Variants in TMEM108 observed in about 807,000 individuals in gnomAD.
TMEM108 encodes transmembrane protein 108.
A neutral mutation model predicts 35.1 loss-of-function variants in TMEM108; 12 were observed. That is an observed-to-expected ratio of 0.34 (90% CI 0.22 to 0.55). The LOEUF is 0.55. Among genes scored for constraint, TMEM108 ranks in the 20% least tolerant of loss-of-function variants. The pLI, the probability that TMEM108 is intolerant of heterozygous loss-of-function variation, is 0.89. For missense variants in TMEM108, 680 were observed against 753.3 expected, an observed-to-expected ratio of 0.90 and a Z score of 1.14; for synonymous variants, 287 against 308.6, an observed-to-expected ratio of 0.93 and a Z score of 0.73.
intron 3 of TMEM108, among the ~76,000 whole-genome samples, chr3:133,266,483 A>G (rs1223308138): frequency 6.6e-6 from 1 of 152,188 alleles, no homozygotes; most frequent in East Asian, 1.9e-4. Flanking sequence ...CTCACATGAC[A>G]CATTCAGTGT....
chr3:133,369,521 G>A (rs748282836), intron 3 of TMEM108, among the ~76,000 whole-genome samples: 1 of 152,196 alleles, frequency 6.6e-6, no homozygotes, highest in Admixed American at 6.5e-5. Context: ...TGACTCCGCA[G>A]TTGGAATTTG....
At chr3:133,107,454 T>TGG (rs1289344659) in intron 2 of TMEM108, among the ~76,000 whole-genome samples, 6 of 111,570 alleles carry the variant, frequency 5.4e-5, no homozygotes, top group Admixed American at 2.8e-4. Flanking sequence ...GAAGTGTATG[T>TGG]GGTGTGTGTG....
chr3:133,322,157 G>A (rs1444931167), intron 3 of TMEM108, among the ~76,000 whole-genome samples: 1 of 151,960 alleles, frequency 6.6e-6, no homozygotes. Flanking sequence ...AAACCCGGCA[G>A]AAGAAAAGCA....
At chr3:133,192,916 GTGTGTGTGCGCGTGTGTGCGTGCA>G (rs1348118727) in intron 2 of TMEM108, 5 of 152,182 alleles carry the variant, frequency 3.3e-5, no homozygotes, top group African/African-American at 1.2e-4. Context: ...CACTGTGTGT[GTGTGTGTGCGCGTGTGTGCGTGCA>G]TGTGTGTGTA....
chr3:133,122,721 G>A (rs1465888608), intron 2 of TMEM108, among the ~76,000 whole-genome samples: 1 of 151,904 alleles, frequency 6.6e-6, no homozygotes, highest in Non-Finnish European at 1.5e-5. Flanking sequence ...AAATTAGCTC[G>A]GTGTGGTTGC....
chr3:133,296,674 G>C (rs376349651), intron 3 of TMEM108, among the ~76,000 whole-genome samples: 35 of 152,150 alleles, frequency 2.3e-4, no homozygotes, highest in African/African-American at 7.0e-4. Flanking sequence ...AAAGCAACCC[G>C]TGTGTCAGTG....
At chr3:133,279,630 T>C (rs1233942424) in intron 3 of TMEM108, among the ~76,000 whole-genome samples, 2 of 152,202 alleles carry the variant, frequency 1.3e-5, no homozygotes, top group Non-Finnish European at 2.9e-5. Flanking sequence ...CCAGCAGCCA[T>C]GTACCACACT....
At chr3:133,305,535 TA>T (rs2071021228) in intron 3 of TMEM108, among the ~76,000 whole-genome samples, 1 of 151,404 alleles carries the variant, frequency 6.6e-6, no homozygotes, top group Non-Finnish European at 1.5e-5. Context: ...AATAAATAAA[TA>T]AAAGAAAGAT....
At chr3:133,154,605 G>A (rs986757709) in intron 2 of TMEM108, among the ~76,000 whole-genome samples, 3 of 151,850 alleles carry the variant, frequency 2.0e-5, no homozygotes, top group Admixed American at 6.6e-5. Flanking sequence ...GCAAACTATC[G>A]CAAGGACAAA....
chr3:133,331,679 T>G (rs1025561149), intron 3 of TMEM108, among the ~76,000 whole-genome samples: 1 of 152,212 alleles, frequency 6.6e-6, no homozygotes. Context: ...GGACCCGTAC[T>G]GATTATCATT....
intron 1 of TMEM108, among the ~76,000 whole-genome samples, chr3:133,040,206 G>GTTTTTTTT (rs375124979): frequency 3.1e-5 from 4 of 129,944 alleles, no homozygotes; most frequent in Admixed American, 7.7e-5. Context: ...TTGTTTGTTT[G>GTTTTTTTT]TTTTTTTTTT....
intron 3 of TMEM108, among the ~76,000 whole-genome samples, chr3:133,377,218 G>A (rs80030780): frequency 0.017 from 2,574 of 152,276 alleles, 71 homozygotes; most frequent in African/African-American, 0.054. Context: ...TCAACATAGG[G>A]ATTTTGGGGG....
chr3:133,221,481 G>A (rs1158083030), intron 2 of TMEM108, among the ~76,000 whole-genome samples: 1 of 152,044 alleles, frequency 6.6e-6, no homozygotes, highest in African/African-American at 2.4e-5. Context: ...GGAGTTTTGT[G>A]CAATGACTAG....
chr3:133,204,496 T>A (rs1204405042), intron 2 of TMEM108, among the ~76,000 whole-genome samples: 1 of 152,220 alleles, frequency 6.6e-6, no homozygotes, highest in Non-Finnish European at 1.5e-5. Flanking sequence ...TTCGGGTACA[T>A]TGTGTCTTTG....
intron 2 of TMEM108, among the ~76,000 whole-genome samples, chr3:133,157,609 C>T (rs1944899945): frequency 6.6e-6 from 1 of 152,122 alleles, no homozygotes; most frequent in South Asian, 2.1e-4. Flanking sequence ...TAAACTGGTG[C>T]TTGAGACCCA....
At chr3:133,108,238 A>G (rs1559834710) in intron 2 of TMEM108, among the ~76,000 whole-genome samples, 1 of 152,150 alleles carries the variant, frequency 6.6e-6, no homozygotes, top group African/African-American at 2.4e-5. Context: ...CTTAAAAAAA[A>G]AAGTTGTTCG....
intron 2 of TMEM108, among the ~76,000 whole-genome samples, chr3:133,141,191 T>C (rs533055810): frequency 6.6e-6 from 1 of 152,216 alleles, no homozygotes; most frequent in Non-Finnish European, 1.5e-5. Context: ...ATGGTTAGGT[T>C]GTTTCCAGAG....
intron 3 of TMEM108, among the ~76,000 whole-genome samples, chr3:133,368,605 C>A (rs1215713424): frequency 6.6e-6 from 1 of 151,714 alleles, no homozygotes; most frequent in Non-Finnish European, 1.5e-5. Flanking sequence ...CAGAAGCAAG[C>A]AAAGTAAAAA....
intron 3 of TMEM108, among the ~76,000 whole-genome samples, chr3:133,263,847 G>A (rs1946658684): frequency 6.6e-6 from 1 of 152,084 alleles, no homozygotes. Flanking sequence ...AGAAATAATT[G>A]TTTTTTTCCT....
Sources: allele counts gnomAD v4.1 joint callset (sites outside exome capture counted in the v4.1 genomes callset), GRCh38; gene constraint gnomAD v4.1.1; transcripts MANE v1.5; gene names NCBI Gene and HGNC (gene_info 2026-07-23, HGNC 2026-07-21).